The following FHOD3 variants were observed in gnomAD, a reference collection of about 807,000 sequenced individuals.
FHOD3 encodes FH1/FH2 domain-containing protein 3.
Under a neutral mutation model 173.0 loss-of-function variants are expected in FHOD3, and 90 were observed. The ratio of observed to expected loss-of-function variants is 0.52; its 90% CI spans 0.44 to 0.62. FHOD3 has a LOEUF of 0.62. FHOD3 is among the 20% of genes least tolerant of loss of function. The probability of loss-of-function intolerance (pLI) is 0.00; values close to 1 mark genes in which losing one functional copy is unlikely to be tolerated. For synonymous variants in FHOD3, 828 were observed against 823.0 expected (o/e 1.01, Z -0.10); for missense variants, 1,945 against 2,034.7 (o/e 0.96, Z 0.85).
chr18:36,737,469 C>T (rs944075023), intron 20 of FHOD3, among the ~76,000 whole-genome samples: 7 of 152,186 alleles, frequency 4.6e-5, no homozygotes, highest in Admixed American at 4.6e-4. Context: ...ATGCCATCTG[C>T]ATGAACAGGT....
chr18:36,596,687 G>A (rs1366214131), intron 7 of FHOD3, among the ~76,000 whole-genome samples: 2 of 152,266 alleles, frequency 1.3e-5, no homozygotes, highest in South Asian at 2.1e-4. Context: ...GAGGCAACTC[G>A]AGGTCTCTTT....
intron 3 of FHOD3, among the ~76,000 whole-genome samples, chr18:36,464,905 C>T (rs772794147): frequency 1.3e-5 from 2 of 152,158 alleles, no homozygotes; most frequent in African/African-American, 2.4e-5. Context: ...GATAGCTGCC[C>T]TTCAGTGTCC....
chr18:36,515,505 C>T (rs1319205285), intron 5 of FHOD3, among the ~76,000 whole-genome samples: 2 of 152,248 alleles, frequency 1.3e-5, no homozygotes, highest in African/African-American at 4.8e-5. Flanking sequence ...GCGTGAGCCA[C>T]TGCGCCCGGC....
At chr18:36,301,781 C>T (rs2091961253) in intron 1 of FHOD3, among the ~76,000 whole-genome samples, 1 of 152,130 alleles carries the variant, frequency 6.6e-6, no homozygotes. Context: ...TCTTTTTTCA[C>T]TTTGATAGCC....
At chr18:36,369,506 T>TAGAG (rs71168219) in intron 2 of FHOD3, among the ~76,000 whole-genome samples, 22 of 128,308 alleles carry the variant, frequency 1.7e-4, no homozygotes, top group Admixed American at 4.0e-4. Context: ...CACATATATA[T>TAGAG]AGAGAGAGAG....
intron 20 of FHOD3, among the ~76,000 whole-genome samples, chr18:36,731,221 G>T (rs1229652021): frequency 6.6e-6 from 1 of 152,220 alleles, no homozygotes; most frequent in African/African-American, 2.4e-5. Flanking sequence ...GGTACAGAGA[G>T]ACATATTTCA....
intron 1 of FHOD3, among the ~76,000 whole-genome samples, chr18:36,346,503 A>C (rs528948220): frequency 6.6e-6 from 1 of 152,316 alleles, no homozygotes; most frequent in East Asian, 1.9e-4. Flanking sequence ...TAATTTGCTC[A>C]AGCAAGAAAC....
chr18:36,365,123 G>A (rs188107311), intron 2 of FHOD3, among the ~76,000 whole-genome samples: 6 of 152,274 alleles, frequency 3.9e-5, no homozygotes, highest in African/African-American at 1.4e-4. Context: ...AGTCCTAAGT[G>A]TAAGGGCCAA....
chr18:36,653,207 T>C (rs1244523127), intron 12 of FHOD3, 135 bp from the exon 13 acceptor site: 5 of 733,402 alleles, frequency 6.8e-6, no homozygotes, highest in African/African-American at 5.3e-5. Context: ...GGTTTACATG[T>C]GTATAATGTG....
chr18:36,498,473 C>T (rs1271197915), intron 3 of FHOD3, among the ~76,000 whole-genome samples: 1 of 152,008 alleles, frequency 6.6e-6, no homozygotes, highest in Non-Finnish European at 1.5e-5. Context: ...TTACCAATAC[C>T]AGGTATAAAA....
chr18:36,449,199 C>T (rs2051676704), intron 3 of FHOD3, among the ~76,000 whole-genome samples: 1 of 152,058 alleles, frequency 6.6e-6, no homozygotes, highest in Non-Finnish European at 1.5e-5. Flanking sequence ...AATCACACCA[C>T]CTTAGAAGCT....
chr18:36,554,739 G>A (rs2057804300), intron 5 of FHOD3, among the ~76,000 whole-genome samples: 1 of 152,142 alleles, frequency 6.6e-6, no homozygotes, highest in Admixed American at 6.5e-5. Flanking sequence ...AAATTTAACT[G>A]CAAATTCTAT....
At chr18:36,400,475 G>T (rs905357780) in intron 3 of FHOD3, among the ~76,000 whole-genome samples, 2 of 152,208 alleles carry the variant, frequency 1.3e-5, no homozygotes, top group Non-Finnish European at 2.9e-5. Context: ...CAGGCCAGCA[G>T]CATTGACATT....
chr18:36,349,708 A>G (rs979237729), intron 1 of FHOD3, among the ~76,000 whole-genome samples: 1 of 152,208 alleles, frequency 6.6e-6, no homozygotes, highest in African/African-American at 2.4e-5. Flanking sequence ...GAAAGAATAC[A>G]TAAATCGAGA....
intron 5 of FHOD3, among the ~76,000 whole-genome samples, chr18:36,517,733 C>A (rs1376453044): frequency 6.6e-6 from 1 of 152,180 alleles, no homozygotes. Flanking sequence ...AAGAAAACTG[C>A]AGATATATTT....
chr18:36,412,987 G>A (rs2146925126), intron 3 of FHOD3, among the ~76,000 whole-genome samples: 1 of 152,282 alleles, frequency 6.6e-6, no homozygotes, highest in South Asian at 2.1e-4. Context: ...GGCACATGGT[G>A]AAACTTCATT....
At chr18:36,642,582 CAAAAAAAAAAAAAAAA>C (rs35920197) in intron 10 of FHOD3, among the ~76,000 whole-genome samples, 4 of 61,818 alleles carry the variant, frequency 6.5e-5, no homozygotes, top group Non-Finnish European at 1.1e-4. Context: ...GACTCCGTCT[CAAAAAAAAAAAAAAAA>C]AAAAAAAAAA....
chr18:36,340,334 A>G (rs1019877989), intron 1 of FHOD3, among the ~76,000 whole-genome samples: 3 of 152,208 alleles, frequency 2.0e-5, no homozygotes, highest in African/African-American at 7.2e-5. Flanking sequence ...ATAATAATAA[A>G]TAAGCAGGAT....
chr18:36,429,975 G>T (rs1195779111), intron 3 of FHOD3, among the ~76,000 whole-genome samples: 4 of 152,190 alleles, frequency 2.6e-5, no homozygotes, highest in Non-Finnish European at 5.9e-5. Flanking sequence ...GGGAATGGGT[G>T]CCTGTTACCT....
Sources: gnomAD v4.1 joint callset for allele counts (sites outside exome capture counted in the v4.1 genomes callset) on GRCh38, gnomAD v4.1.1 for gene constraint, MANE v1.5 for transcripts, NCBI Gene and HGNC (gene_info 2026-07-23, HGNC 2026-07-21) for gene names.